The following DNAH6 variants were observed in gnomAD, a reference collection of about 807,000 sequenced individuals.
The protein encoded by DNAH6 is dynein axonemal heavy chain 6.
DNAH6 carries 340 observed loss-of-function variants against 491.4 expected under a neutral mutation model. The observed-to-expected ratio is 0.69, with a 90% CI of 0.63 to 0.76. The LOEUF (loss-of-function observed/expected upper bound fraction) is 0.76, where lower values mean the gene tolerates loss of function less well. Among genes scored for constraint, DNAH6 ranks in the 30% least tolerant of loss-of-function variants. DNAH6 has a pLI of 0.00. For missense variants in DNAH6, 4,443 were observed against 4,972.2 expected (o/e 0.89, Z 3.20); for synonymous variants, 1,603 against 1,686.1 (o/e 0.95, Z 1.21).
intron 22 of DNAH6, among the ~76,000 whole-genome samples, chr2:84,615,299 C>T (rs1407397342): frequency 2.0e-5 from 3 of 152,030 alleles, no homozygotes; most frequent in Non-Finnish European, 4.4e-5. Context: ...GTATCCTTTT[C>T]CCACTTTATG....
Position 84,549,926 on chromosome 2 carries a change from A to T in DNAH6, c.1354A>T (p.Met452Leu). The T allele has an allele frequency of 6.2e-7, 1 of 1,613,512 alleles. No homozygotes were observed. Among genetic ancestry groups the T allele is most frequent in the South Asian group, 1.1e-5 (1 of 90,878 alleles). ...RLNDYLIENTMHILTVNAVNS... is the reference protein window; with the variant it reads ...RLNDYLIENTLHILTVNAVNS... ...AAACGACTATCTAATTGAGAACACA[A>T]TGCACATCTTAACGGTAAATGCTGT... Residue 452 changes from methionine to leucine, a missense_variant, in exon 9 of 77, where the codon ATG (methionine) becomes TTG (leucine). Transcript: ENST00000389394.
At chr2:84,480,990 G>C in the DNAH6 span, among the ~76,000 whole-genome samples, 3 of 151,798 alleles carry the variant, frequency 2.0e-5, no homozygotes, top group African/African-American at 7.3e-5. Context: ...AAAAAGTCGT[G>C]AGGGCTTATC....
In DNAH6 at chr2:84,716,629, A is replaced by G. The variant is rs140541910; in HGVS notation, c.9611+1002A>G. Among the ~76,000 whole-genome samples the G allele has an allele frequency of 5.9e-5, 9 of 152,294 alleles. No individual in the cohort carries two copies. The East Asian group carries it at 7.7e-4, about 13-fold the overall frequency. On this transcript the variant is annotated intron_variant, in intron 58 of 76. Coordinates refer to ENST00000389394, the MANE Select transcript of DNAH6 (RefSeq NM_001370.2). Reference sequence around the variant, plus strand: ...ATTAAAGTTTATTTCAACATATTTTATGAATATATTCTAAGGACTTGGCTG... The same window carrying G: ...ATTAAAGTTTATTTCAACATATTTTGTGAATATATTCTAAGGACTTGGCTG...
At chr2:84,771,885 G>T (rs975435070) in intron 64 of DNAH6, among the ~76,000 whole-genome samples, 1 of 152,108 alleles carries the variant, frequency 6.6e-6, no homozygotes, top group Non-Finnish European at 1.5e-5. Flanking sequence ...TTCACACGAA[G>T]AAATAAATAA....
At chr2:84,572,019 A>G (rs1681945972) in intron 11 of DNAH6, among the ~76,000 whole-genome samples, 1 of 152,178 alleles carries the variant, frequency 6.6e-6, no homozygotes, top group Non-Finnish European at 1.5e-5. Context: ...TTTTCCTTTT[A>G]CTATGAAATT....
chr2:84,538,555 T>A (rs2104495595), intron 4 of DNAH6, among the ~76,000 whole-genome samples: 1 of 152,258 alleles, frequency 6.6e-6, no homozygotes, highest in South Asian at 2.1e-4. Context: ...CTCCTATACC[T>A]CAGTGTTTCC....
intron 16 of DNAH6, among the ~76,000 whole-genome samples, chr2:84,590,498 C>CA (rs35787415): frequency 0.79 from 76,587 of 97,460 alleles, 32,234 homozygotes; most frequent in East Asian, 0.96. Flanking sequence ...GGCTCCATTT[C>CA]AAAAAAAAAA....
Position 84,814,033 on chromosome 2 carries a change from A to G in DNAH6, c.12061A>G (p.Ser4021Gly). 6.4e-7 allele frequency: 1 copy of G among 1,551,756 alleles called. No individual in the cohort carries two copies. The highest frequency in any genetic ancestry group is 8.7e-7 in the Non-Finnish European group (1 of 1,146,996). Residue 4021 changes from serine (S) to glycine (G), a missense_variant, in exon 75 of 77, where the codon AGC becomes GGC. Coordinates refer to ENST00000389394, the MANE Select transcript of DNAH6 (RefSeq NM_001370.2). ...TATAGATGAGCTGAGTTTCAAATACAGCGTAATTCCCACCTATCGGGATCA... is the reference window on the plus strand; with the variant it reads ...TATAGATGAGCTGAGTTTCAAATACGGCGTAATTCCCACCTATCGGGATCA... ...LPIDELSFKYSVIPTYRDQAA... is the reference protein window; with the variant it reads ...LPIDELSFKYGVIPTYRDQAA...
intron 9 of DNAH6, among the ~76,000 whole-genome samples, chr2:84,550,385 T>C (rs1388085510): frequency 6.6e-6 from 1 of 152,144 alleles, no homozygotes; most frequent in African/African-American, 2.4e-5. Context: ...ATGACGCCAC[T>C]GTTCTGAGGG....
rs563286954 is a variant in DNAH6, at chr2:84,695,570, G to A, written c.7524+1090G>A. On this transcript the variant is annotated intron_variant, in intron 46 of 76. Coordinates refer to ENST00000389394, the MANE Select transcript of DNAH6 (RefSeq NM_001370.2). ...TAATCTGAGAGAGTATTAATGTCCAGTGAGAGAAAGTCATATACATAATAT... is the reference window on the plus strand; with the variant it reads ...TAATCTGAGAGAGTATTAATGTCCAATGAGAGAAAGTCATATACATAATAT... Among the ~76,000 whole-genome samples, 3 of 152,154 alleles carry A rather than the reference G, an allele frequency of 2.0e-5. No individual in the cohort carries two copies. In the South Asian group the frequency reaches 6.2e-4, roughly 32 times the overall value.
At chr2:84,744,243 C>T (rs896665411) in intron 62 of DNAH6, among the ~76,000 whole-genome samples, 1 of 152,210 alleles carries the variant, frequency 6.6e-6, no homozygotes, top group African/African-American at 2.4e-5. Flanking sequence ...TGCAAGCCAA[C>T]AATTGTGCCT....
Position 84,720,430 on chromosome 2 carries a change from C to T in DNAH6, c.9792+2046C>T, listed in dbSNP as rs558629724. ...AGTAGCTGGGACTACAGGCGCCCGC[C>T]ACTACGCCCGGCTAATTTTTTGTAT... On this transcript the variant is annotated intron_variant, in intron 59 of 76. Transcript: ENST00000389394. Among the ~76,000 whole-genome samples the T allele has an allele frequency of 9.6e-3, 1,449 of 151,078 alleles. 20 individuals are homozygous for T. Among genetic ancestry groups the T allele is most frequent in the African/African-American group, 0.034 (1,392 of 41,206 alleles).
In DNAH6 at chr2:84,679,359, C is replaced by A. The variant is rs570196097; in HGVS notation, c.6745-1998C>A. On this transcript the variant is annotated intron_variant, in intron 41 of 76. Coordinates refer to ENST00000389394, the MANE Select transcript of DNAH6 (RefSeq NM_001370.2). The stretch of plus-strand genomic sequence containing the variant: ...ACATTATAAGTGACTCTTTCTCAGA[C>A]CATAGTTCATACAAACCTGAATGTT... Among the ~76,000 whole-genome samples, 7 of 152,258 alleles carry A rather than the reference C, an allele frequency of 4.6e-5. No individual in the cohort carries two copies. In the South Asian group the frequency reaches 1.2e-3, roughly 27 times the overall value.
intron 31 of DNAH6, among the ~76,000 whole-genome samples, chr2:84,638,164 G>C (rs1689047476): frequency 6.6e-6 from 1 of 151,902 alleles, no homozygotes; most frequent in Non-Finnish European, 1.5e-5. Context: ...AAAAAGAATT[G>C]ATATATTCAC....
intron 11 of DNAH6, among the ~76,000 whole-genome samples, chr2:84,566,921 C>T (rs1037546556): frequency 1.3e-5 from 2 of 151,888 alleles, no homozygotes. Context: ...AACTGAATAG[C>T]TATTTGGATA....
At chr2:84,811,264 T>C (rs902112344) in intron 72 of DNAH6, among the ~76,000 whole-genome samples, 12 of 152,246 alleles carry the variant, frequency 7.9e-5, no homozygotes, top group Non-Finnish European at 1.5e-4. Context: ...CCAGGCCTTA[T>C]TTGGTTGCTT....
chr2:84,808,277 A>T, intron 71 of DNAH6, 138 bp from the exon 72 acceptor site: 1 of 965,022 alleles, frequency 1.0e-6, no homozygotes. Context: ...GAAACATCAC[A>T]TTTAAATCCT....
intron 2 of DNAH6, among the ~76,000 whole-genome samples, chr2:84,521,486 A>G (rs1364376167): frequency 6.6e-6 from 1 of 152,032 alleles, no homozygotes; most frequent in African/African-American, 2.4e-5. Context: ...ATTAGATCCC[A>G]TTTGTCAATT....
At chr2:84,528,553 A>G (rs752030936) in intron 3 of DNAH6, among the ~76,000 whole-genome samples, 2 of 152,084 alleles carry the variant, frequency 1.3e-5, no homozygotes, top group Non-Finnish European at 2.9e-5. Context: ...GAGGTCCCAG[A>G]AAAGATAGAT....
Sources: allele counts gnomAD v4.1 joint callset (sites outside exome capture counted in the v4.1 genomes callset), GRCh38; gene constraint gnomAD v4.1.1; transcripts MANE v1.5; gene names NCBI Gene and HGNC (gene_info 2026-07-23, HGNC 2026-07-21).